The following CASP6 variants were observed in gnomAD, a reference collection of about 807,000 sequenced individuals.
CASP6 encodes caspase 6.
Under a neutral mutation model 31.8 loss-of-function variants are expected in CASP6, and 20 were observed. The ratio of observed to expected loss-of-function variants is 0.63; its 90% CI spans 0.44 to 0.91. The LOEUF (loss-of-function observed/expected upper bound fraction) is 0.91, where lower values mean the gene tolerates loss of function less well. Among genes scored for constraint, CASP6 ranks in the 40% least tolerant of loss-of-function variants. The pLI, the probability that CASP6 is intolerant of heterozygous loss-of-function variation, is 0.00. For missense variants in CASP6, 328 were observed against 361.1 expected (o/e 0.91, Z 0.74); for synonymous variants, 130 against 127.8 (o/e 1.02, Z -0.12).
intron 1 of CASP6, among the ~76,000 whole-genome samples, chr4:109,703,111 C>T (rs770386544): frequency 5.9e-5 from 9 of 152,178 alleles, no homozygotes; most frequent in Non-Finnish European, 8.8e-5. Flanking sequence ...GCCGGCGTCG[C>T]TACTCGGGAC....
chr4:109,665,682 T>A, the CASP6 span, among the ~76,000 whole-genome samples: 4 of 152,220 alleles, frequency 2.6e-5, no homozygotes, highest in African/African-American at 9.6e-5. Context: ...GTTGTTGTAT[T>A]GTTAATTTTT....
intron 2 of CASP6, 93 bp from the exon 3 acceptor site, chr4:109,697,861 G>A: frequency 5.0e-6 from 7 of 1,392,476 alleles, no homozygotes; most frequent in Non-Finnish European, 6.8e-6. Flanking sequence ...AGAGATCTGA[G>A]CTTCCTCCTT....
At chr4:109,679,470 A>AC in the CASP6 span, among the ~76,000 whole-genome samples, 2 of 151,958 alleles carry the variant, frequency 1.3e-5, no homozygotes, top group African/African-American at 4.8e-5. Flanking sequence ...ACACGGCGAA[A>AC]CCCCGTCTCC....
At chr4:109,705,782 C>G (rs1264980808), upstream of CASP6, among the ~76,000 whole-genome samples, 1 of 149,396 alleles carries the variant, frequency 6.7e-6, no homozygotes, top group African/African-American at 2.5e-5. Context: ...TGAGACCAGC[C>G]TAGGCAACAA....
chr4:109,678,765 C>T, the CASP6 span, among the ~76,000 whole-genome samples: 2 of 148,026 alleles, frequency 1.4e-5, no homozygotes, highest in African/African-American at 2.5e-5. Flanking sequence ...GGCAGAGGTG[C>T]TCCTCACTTC....
chr4:109,676,158 G>C, the CASP6 span, among the ~76,000 whole-genome samples: 6 of 152,098 alleles, frequency 3.9e-5, no homozygotes, highest in Admixed American at 3.3e-4. Flanking sequence ...GGACAATTCT[G>C]GTCAGGGCTC....
chr4:109,697,537 G>T, intron 3 of CASP6, 85 bp downstream of exon 3: 8 of 1,453,856 alleles, frequency 5.5e-6, no homozygotes, highest in Non-Finnish European at 7.4e-6. Context: ...AAAGTGCTGG[G>T]ATTACCAGCA....
chr4:109,706,021 T>TATAC (rs1373407643), upstream of CASP6, among the ~76,000 whole-genome samples: 3 of 98,080 alleles, frequency 3.1e-5, no homozygotes, highest in African/African-American at 1.4e-4. Context: ...TATATATATA[T>TATAC]ATATATATAT....
At chr4:109,678,411 A>G in the CASP6 span, among the ~76,000 whole-genome samples, 1 of 150,212 alleles carries the variant, frequency 6.7e-6, no homozygotes, top group Admixed American at 6.6e-5. Flanking sequence ...GCGGCCAGGC[A>G]GAGGCGCTCC....
chr4:109,684,051 A>C (rs1420933252), downstream of CASP6, among the ~76,000 whole-genome samples: 1 of 150,212 alleles, frequency 6.7e-6, no homozygotes, highest in African/African-American at 2.5e-5. Context: ...CATTTGTTCA[A>C]GAGTTCCTCT....
At chr4:109,703,633 A>C, upstream of CASP6, 1 of 572,476 alleles carries the variant, frequency 1.7e-6, no homozygotes, top group Non-Finnish European at 3.0e-6. Flanking sequence ...GGGGGCAGGG[A>C]GAGGTACGCG....
upstream of CASP6, among the ~76,000 whole-genome samples, chr4:109,703,902 CTG>C (rs1406938079): frequency 2.6e-5 from 4 of 152,194 alleles, no homozygotes; most frequent in Admixed American, 6.5e-5. Context: ...CTTTGTGTCT[CTG>C]TGTCACATTT....
At chr4:109,685,084 C>T, downstream of CASP6, 1 of 490,246 alleles carries the variant, frequency 2.0e-6, no homozygotes, top group Non-Finnish European at 3.6e-6. Flanking sequence ...TTAAATGAGA[C>T]TAAATGTTTT....
upstream of CASP6, among the ~76,000 whole-genome samples, chr4:109,707,482 G>A (rs1387592545): frequency 5.3e-5 from 8 of 151,822 alleles, no homozygotes; most frequent in Non-Finnish European, 8.8e-5. Flanking sequence ...TGCCGCCCGG[G>A]TTCAAGCGAT....
upstream of CASP6, among the ~76,000 whole-genome samples, chr4:109,705,804 G>A (rs1730580943): frequency 6.7e-6 from 1 of 149,438 alleles, no homozygotes; most frequent in South Asian, 2.1e-4. Flanking sequence ...GCAAGACCCT[G>A]TCTCTACAAT....
At chr4:109,690,798 C>G (rs1016756060) in intron 6 of CASP6, 52 bp downstream of exon 6, 1 of 1,535,534 alleles carries the variant, frequency 6.5e-7, no homozygotes, top group African/African-American at 1.4e-5. Flanking sequence ...GTGAAACTTA[C>G]AGGACCTTAG....
the CASP6 span, among the ~76,000 whole-genome samples, chr4:109,671,221 AAG>A: frequency 1.3e-5 from 2 of 152,130 alleles, no homozygotes; most frequent in African/African-American, 4.8e-5. Context: ...CTTTTTCTTA[AAG>A]AGAGCTTTTT....
At chr4:109,703,264 G>C (rs1579115674) in intron 1 of CASP6, 92 bp downstream of exon 1, 1 of 1,452,102 alleles carries the variant, frequency 6.9e-7, no homozygotes, top group African/African-American at 1.4e-5. Context: ...GCCCCACTCC[G>C]GTCCGCGCGC....
rs529548617 is a variant in CASP6, at chr4:109,689,390, C to T, written c.822G>A (p.Gln274=). 13 of 1,614,188 alleles carry T rather than the reference C, an allele frequency of 8.1e-6. No homozygotes were observed. In the African/African-American group the frequency reaches 1.3e-4, roughly 17 times the overall value. Residue 274 remains glutamine, a synonymous_variant, in exon 7 of 7, where the codon CAG becomes CAA. Coordinates refer to ENST00000265164, the MANE Select transcript of CASP6 (RefSeq NM_001226.4). ...TTAGCATTGAGGCAAAACAGGGAAC[C>T]TGCTTCTTTCCAATTGCACTTGGGT... ...CKDPSAIGKK[Q]VPCFASMLTK...
Sources: gnomAD v4.1 joint callset for allele counts (sites outside exome capture counted in the v4.1 genomes callset) on GRCh38, gnomAD v4.1.1 for gene constraint, MANE v1.5 for transcripts, NCBI Gene and HGNC (gene_info 2026-07-23, HGNC 2026-07-21) for gene names.